FRMD4B: variants seen among roughly 807,000 people sequenced by gnomAD.
FRMD4B encodes the protein FERM domain containing 4B.
FRMD4B carries 74 observed loss-of-function variants against 141.5 expected under a neutral mutation model. That is an observed-to-expected ratio of 0.52 (90% CI 0.43 to 0.63). The LOEUF is 0.63. FRMD4B is among the 30% of genes least tolerant of loss of function. The probability of loss-of-function intolerance (pLI) is 0.00; values close to 1 mark genes in which losing one functional copy is unlikely to be tolerated. For synonymous variants in FRMD4B, 506 were observed against 467.9 expected, an observed-to-expected ratio of 1.08 and a Z score of -1.05; for missense variants, 1,366 against 1,253.4, an observed-to-expected ratio of 1.09 and a Z score of -1.36.
chr3:69,539,146 A>G (rs907548921), intron 1 of FRMD4B, among the ~76,000 whole-genome samples: 3 of 152,214 alleles, frequency 2.0e-5, no homozygotes, highest in Non-Finnish European at 4.4e-5. Flanking sequence ...TAAGATAACT[A>G]TGAAGATTTC....
Position 69,193,826 on chromosome 3 carries a change from C to T in FRMD4B, c.1536G>A (p.Lys512=). The T allele has an allele frequency of 6.2e-7, 1 of 1,613,644 alleles. No homozygotes were observed. Among genetic ancestry groups the T allele is most frequent in the Non-Finnish European group, 8.5e-7 (1 of 1,179,654 alleles). ...CAAGTTTCTTTGCAGCTTCCACCAG[C>T]TTTTGTTGTATTAGAAAATTACTCT... The part of the protein sequence containing the change: ...ELESNFLIQQ[K]LVEAAKKLAN... The change falls in exon 17 of 23, where the codon AAG becomes AAA. Residue 512 remains lysine, a synonymous_variant. Transcript: ENST00000398540.
chr3:69,532,055 A>G (rs1701016231), intron 1 of FRMD4B, among the ~76,000 whole-genome samples: 1 of 152,236 alleles, frequency 6.6e-6, no homozygotes, highest in Non-Finnish European at 1.5e-5. Flanking sequence ...TTTAAGTCTT[A>G]CAGCCCAACT....
intron 1 of FRMD4B, among the ~76,000 whole-genome samples, chr3:69,455,756 C>T (rs370410125): frequency 4.6e-5 from 7 of 152,298 alleles, no homozygotes; most frequent in South Asian, 2.1e-4. Flanking sequence ...TTTTATGCAA[C>T]ACTTTGTAAT....
chr3:69,266,466 C>CA (rs1363167018), intron 5 of FRMD4B, among the ~76,000 whole-genome samples: 2 of 152,060 alleles, frequency 1.3e-5, no homozygotes, highest in Non-Finnish European at 2.9e-5. Flanking sequence ...GCTGGGATTA[C>CA]AGGCACCTGC....
chr3:69,455,878 C>A (rs114908669), intron 1 of FRMD4B, among the ~76,000 whole-genome samples: 1,657 of 152,322 alleles, frequency 0.011, 35 homozygotes, highest in African/African-American at 0.038. Context: ...GAGACTTCTA[C>A]TCTAGGTTCA....
intron 1 of FRMD4B, among the ~76,000 whole-genome samples, chr3:69,483,763 A>T (rs1008167154): frequency 2.0e-5 from 3 of 152,250 alleles, no homozygotes; most frequent in Non-Finnish European, 4.4e-5. Flanking sequence ...AGTTATTTTT[A>T]AAATCAACAG....
chr3:69,439,658 G>A (rs1212715319), intron 1 of FRMD4B, among the ~76,000 whole-genome samples: 2 of 152,174 alleles, frequency 1.3e-5, no homozygotes, highest in Admixed American at 1.3e-4. Flanking sequence ...GTGTTTAGAA[G>A]TCTAACTAGG....
At chr3:69,486,459 A>G (rs1245864907) in intron 1 of FRMD4B, among the ~76,000 whole-genome samples, 1 of 152,138 alleles carries the variant, frequency 6.6e-6, no homozygotes, top group Admixed American at 6.5e-5. Context: ...GACATTTTTT[A>G]TAAAACACTA....
intron 1 of FRMD4B, among the ~76,000 whole-genome samples, chr3:69,533,400 C>G (rs1005918203): frequency 6.6e-6 from 1 of 152,150 alleles, no homozygotes; most frequent in South Asian, 2.1e-4. Flanking sequence ...AGTCACTTGC[C>G]CACTCCAAGC....
At chr3:69,480,501 A>C (rs115523591) in intron 1 of FRMD4B, among the ~76,000 whole-genome samples, 3,673 of 152,268 alleles carry the variant, frequency 0.024, 65 homozygotes, top group Non-Finnish European at 0.038. Context: ...GGGTATCCGC[A>C]GTGGTGGCTG....
At position 69,202,854 on chromosome 3, in the gene FRMD4B, G is replaced by C. The variant is rs1387413447; in HGVS notation, c.877-4080C>G. On this transcript the variant is annotated intron_variant, in intron 11 of 22. Coordinates refer to ENST00000398540, the MANE Select transcript of FRMD4B (RefSeq NM_015123.3). Reference sequence around the variant, plus strand: ...TACTTTGCAATTGCAAAAGTAAATAGAAAGATAAAATATTAAAAGAGGAGC... The same window carrying C: ...TACTTTGCAATTGCAAAAGTAAATACAAAGATAAAATATTAAAAGAGGAGC... Among the ~76,000 whole-genome samples, 5 of 126,278 alleles carry C rather than the reference G, an allele frequency of 4.0e-5. No homozygotes were observed. The East Asian group carries it at 1.1e-3, about 27-fold the overall frequency. The allele number at this position is 126,278 out of a possible 152,430, so 82.8% of individuals were successfully genotyped here. A position where few individuals can be genotyped will look rare whatever the true frequency, so the allele number is the denominator to read the frequency against.
intron 1 of FRMD4B, among the ~76,000 whole-genome samples, chr3:69,467,383 A>G (rs574617789): frequency 6.6e-6 from 1 of 152,262 alleles, no homozygotes; most frequent in Admixed American, 6.5e-5. Context: ...CACAACTACT[A>G]CATCACACAG....
rs544048393 is a variant in FRMD4B, at chr3:69,264,993, C to T, written c.502-14894G>A. Among the ~76,000 whole-genome samples, 32 of 152,006 alleles carry T rather than the reference C, an allele frequency of 2.1e-4. No homozygotes were observed. The South Asian group carries it at 2.5e-3, about 12-fold the overall frequency. ...ATATGAGGTCGGGCGCGGTGGCTCA[C>T]GCCTGTAATCCCAACACTTTGGGAG... On this transcript the variant is annotated intron_variant, in intron 5 of 22. Transcript: ENST00000398540.
At chr3:69,384,349 A>T (rs1399783585) in intron 1 of FRMD4B, among the ~76,000 whole-genome samples, 2 of 152,190 alleles carry the variant, frequency 1.3e-5, no homozygotes, top group African/African-American at 4.8e-5. Flanking sequence ...TTGGGGAGTG[A>T]GGCACAGAGT....
chr3:69,394,995 A>G (rs1704450539), intron 2 of FRMD4B, among the ~76,000 whole-genome samples: 1 of 152,122 alleles, frequency 6.6e-6, no homozygotes, highest in Non-Finnish European at 1.5e-5. Flanking sequence ...GGAGGAGAAC[A>G]TCACACACCG....
chr3:69,288,081 T>C (rs760426307), intron 4 of FRMD4B, among the ~76,000 whole-genome samples: 12 of 152,224 alleles, frequency 7.9e-5, no homozygotes, highest in Non-Finnish European at 1.6e-4. Flanking sequence ...AAACCCCAAA[T>C]GGTATTCAAC....
At chr3:69,273,930 A>T (rs1304896483) in intron 5 of FRMD4B, among the ~76,000 whole-genome samples, 2 of 152,124 alleles carry the variant, frequency 1.3e-5, no homozygotes, top group Non-Finnish European at 2.9e-5. Context: ...GAAAAAAAAA[A>T]AAAAGAATTT....
chr3:69,496,636 AAAGAGAGAGAGAGAGAGAGAGAG>A (rs1706399833), intron 1 of FRMD4B, among the ~76,000 whole-genome samples: 2 of 118,258 alleles, frequency 1.7e-5, no homozygotes, highest in African/African-American at 3.4e-5. Context: ...AGAGAGAGAG[AAAGAGAGAGAGAGAGAGAGAGAG>A]AGAGAGAGAG....
chr3:69,498,546 G>A (rs1430989344), intron 1 of FRMD4B, among the ~76,000 whole-genome samples: 1 of 152,126 alleles, frequency 6.6e-6, no homozygotes, highest in Admixed American at 6.5e-5. Context: ...AGTATTTTCT[G>A]GGAATTGTTG....
Sources: allele counts gnomAD v4.1 joint callset (sites outside exome capture counted in the v4.1 genomes callset), GRCh38; gene constraint gnomAD v4.1.1; transcripts MANE v1.5; gene names NCBI Gene and HGNC (gene_info 2026-07-23, HGNC 2026-07-21).